ZSCAN1: variants seen among roughly 807,000 people sequenced by gnomAD.
The protein encoded by ZSCAN1 is zinc finger and SCAN domain-containing protein 1.
Under a neutral mutation model 23.8 loss-of-function variants are expected in ZSCAN1, and 23 were observed. That is an observed-to-expected ratio of 0.97 (90% CI 0.70 to 1.37). ZSCAN1 has a LOEUF of 1.37. Among genes scored for constraint, ZSCAN1 ranks in the 40% most tolerant of loss-of-function variants. ZSCAN1 has a pLI of 0.00. For missense variants in ZSCAN1, 575 were observed against 554.0 expected, an observed-to-expected ratio of 1.04 and a Z score of -0.38; for synonymous variants, 236 against 232.3, an observed-to-expected ratio of 1.02 and a Z score of -0.15.
intron 4 of ZSCAN1, among the ~76,000 whole-genome samples, chr19:58,051,831 A>G (rs1055306964): frequency 2.0e-5 from 3 of 152,214 alleles, no homozygotes; most frequent in Non-Finnish European, 4.4e-5. Flanking sequence ...CTCCTCATCC[A>G]GGGCCACACA....
rs778519528 is a variant in ZSCAN1, at chr19:58,045,780, C to T, written c.465+5236C>T. ...AGCTGAAGCAGTGGCTGGACCTGCACCTGCATCAGGAGATCCCCACATCGC... is the reference window on the plus strand; with the variant it reads ...AGCTGAAGCAGTGGCTGGACCTGCATCTGCATCAGGAGATCCCCACATCGC... On this transcript the variant is annotated intron_variant, in intron 4 of 5. Coordinates refer to ENST00000282326, the MANE Select transcript of ZSCAN1 (RefSeq NM_182572.4). This position sits in a 1 kb window ranked among gnomAD's most constrained non-coding sequence, Gnocchi z 4.3. 34 of 1,557,654 alleles carry T rather than the reference C, an allele frequency of 2.2e-5. No homozygotes were observed. The highest frequency in any genetic ancestry group is 2.9e-5 in the Non-Finnish European group (33 of 1,129,332).
chr19:58,046,991 G>A (rs957684989), intron 4 of ZSCAN1, among the ~76,000 whole-genome samples: 2 of 152,238 alleles, frequency 1.3e-5, no homozygotes, highest in East Asian at 1.9e-4. Flanking sequence ...CCACACTGTG[G>A]TGTGGCTGCC....
At chr19:58,046,747 A>G in intron 4 of ZSCAN1, 5 of 773,430 alleles carry the variant, frequency 6.5e-6, no homozygotes, top group Non-Finnish European at 1.2e-5. Context: ...GTGGAGAAGG[A>G]GGTTGCAGAG....
At chr19:58,051,975 G>A (rs1028158472) in intron 4 of ZSCAN1, among the ~76,000 whole-genome samples, 1 of 152,248 alleles carries the variant, frequency 6.6e-6, no homozygotes, top group Non-Finnish European at 1.5e-5. Flanking sequence ...TGCATCAGAG[G>A]TCATAGGTCG....
At chr19:58,036,227 C>T (rs1333362113) in intron 2 of ZSCAN1, among the ~76,000 whole-genome samples, 2 of 152,138 alleles carry the variant, frequency 1.3e-5, no homozygotes, top group Admixed American at 6.5e-5. Context: ...GATCCCACCA[C>T]GTTCAACTGT....
rs1016881693 is a variant in ZSCAN1 at position 58,047,902 on chromosome 19, G to A, written c.466-4588G>A. On this transcript the variant is annotated intron_variant, in intron 4 of 5. Coordinates refer to ENST00000282326, the MANE Select transcript of ZSCAN1 (RefSeq NM_182572.4). This position sits in a 1 kb window ranked among gnomAD's most constrained non-coding sequence, Gnocchi z 4.9. ...GGGCTGGCGAGGGCGTGGGCAGGCA[G>A]TGTCCTGTGGCCACCTCCACCCTCC... Among the ~76,000 whole-genome samples, 1 of 152,240 alleles carries A rather than the reference G, an allele frequency of 6.6e-6. No individual in the cohort carries two copies. Among genetic ancestry groups the A allele is most frequent in the African/African-American group, 2.4e-5 (1 of 41,470 alleles).
In ZSCAN1 at chr19:58,053,957, G is replaced by C. The variant is rs2073876142; in HGVS notation, c.1133G>C (p.Arg378Thr). 2 of 1,610,748 alleles carry C rather than the reference G, an allele frequency of 1.2e-6. No individual in the cohort carries two copies. Among genetic ancestry groups the C allele is most frequent in the African/African-American group, 1.3e-5 (1 of 74,814 alleles). ...CCAGTGGCCCCTCGCAGCCCCAAAAGACCCTTCCAGTGTAGCGTCTGCGGG... is the reference window on the plus strand; with the variant it reads ...CCAGTGGCCCCTCGCAGCCCCAAAACACCCTTCCAGTGTAGCGTCTGCGGG... ...QGPVAPRSPKRPFQCSVCGKA... is the reference protein window; with the variant it reads ...QGPVAPRSPKTPFQCSVCGKA... Residue 378 changes from arginine to threonine, a missense_variant, in exon 6 of 6, where the codon AGA (arginine) becomes ACA (threonine). Transcript: ENST00000282326. The surrounding 1 kb of genome is among the most constrained non-coding windows in gnomAD (Gnocchi z 5.8).
At position 58,049,258 on chromosome 19, in the gene ZSCAN1, T is replaced by C. The variant is rs928369639; in HGVS notation, c.466-3232T>C. On this transcript the variant is annotated intron_variant, in intron 4 of 5. Transcript: ENST00000282326. This position sits in a 1 kb window ranked among gnomAD's most constrained non-coding sequence, Gnocchi z 4.5. ...AAGGCCTTAAGAGCACTAGCAGCGT[T>C]TTCCAAAAGCACAGATACAAATCCC... 1.3e-5 allele frequency: 2 copies of C among 152,474 alleles called. No homozygotes were observed. Among genetic ancestry groups the C allele is most frequent in the Non-Finnish European group, 1.5e-5 (1 of 68,094 alleles). The allele number at this position is 152,474 out of a possible 1,614,324, so 9.4% of individuals were successfully genotyped here.
intron 4 of ZSCAN1, chr19:58,044,982 G>A: frequency 8.9e-7 from 1 of 1,126,490 alleles, no homozygotes; most frequent in Non-Finnish European, 1.3e-6. Context: ...ACAAGAACAA[G>A]AAGCTGGAGG....
rs1048498080 is a variant in ZSCAN1, at chr19:58,044,661, C to A, written c.465+4117C>A. On this transcript the variant is annotated intron_variant, in intron 4 of 5. Transcript: ENST00000282326. ...CTCCCGCCGCCGCCTCGGGTCACCG[C>A]CCCGCGGGGTAGTCCGGGGGATCCT... 6.9e-6 allele frequency: 6 copies of A among 872,530 alleles called. No individual in the cohort carries two copies. In the Admixed American group the frequency reaches 9.8e-5, roughly 14 times the overall value. The allele number at this position is 872,530 out of a possible 1,614,324, so 54.0% of individuals were successfully genotyped here.
intron 3 of ZSCAN1, 130 bp downstream of exon 3, chr19:58,038,336 T>G: frequency 1.7e-6 from 2 of 1,152,712 alleles, no homozygotes; most frequent in Non-Finnish European, 2.4e-6. Flanking sequence ...AAACCTCTCC[T>G]GCCCCGCGGC....
Position 58,045,958 on chromosome 19 carries a change from C to T in ZSCAN1, c.465+5414C>T, listed in dbSNP as rs2073822497. 2.5e-6 allele frequency: 2 copies of T among 803,516 alleles called. No individual in the cohort carries two copies. The highest frequency in any genetic ancestry group is 3.4e-5 in the African/African-American group (2 of 59,328). 49.8% of individuals were successfully genotyped at this position (803,516 alleles called of 1,614,324 possible). A position where few individuals can be genotyped will look rare whatever the true frequency, so the allele number is the denominator to read the frequency against. The stretch of plus-strand genomic sequence containing the variant: ...GGGCAAGCAGGTGGACAAGGCCAAG[C>T]TAGAGGCCACACTGCAGGAGAAGGC... On this transcript the variant is annotated intron_variant, in intron 4 of 5. Transcript: ENST00000282326. This position sits in a 1 kb window ranked among gnomAD's most constrained non-coding sequence, Gnocchi z 4.3.
At chr19:58,048,767 T>A (rs1291880592) in intron 4 of ZSCAN1, among the ~76,000 whole-genome samples, 2 of 152,098 alleles carry the variant, frequency 1.3e-5, no homozygotes, top group Non-Finnish European at 2.9e-5. Flanking sequence ...CTTTTTACCT[T>A]TTTTTGAGAC....
intron 4 of ZSCAN1, chr19:58,046,515 C>A: frequency 1.1e-6 from 1 of 915,252 alleles, no homozygotes; most frequent in Non-Finnish European, 1.8e-6. Context: ...TCAGTGTTGC[C>A]GAGCTCATCA....
At chr19:58,034,478 C>A (rs2073718725) in intron 1 of ZSCAN1, among the ~76,000 whole-genome samples, 1 of 152,008 alleles carries the variant, frequency 6.6e-6, no homozygotes. Flanking sequence ...CCGTTTGAGG[C>A]CGAAGCCCCT....
rs565185646 is a variant in ZSCAN1 at position 58,043,015 on chromosome 19, G to C, written c.465+2471G>C. Among the ~76,000 whole-genome samples the C allele has an allele frequency of 5.2e-5, 8 of 152,400 alleles. No individual in the cohort carries two copies. The South Asian group carries it at 1.7e-3, about 32-fold the overall frequency. On this transcript the variant is annotated intron_variant, in intron 4 of 5. Coordinates refer to ENST00000282326, the MANE Select transcript of ZSCAN1 (RefSeq NM_182572.4). The stretch of plus-strand genomic sequence containing the variant: ...CCGCGTGGAGAGACGGCAGCTCCGG[G>C]ATCGGGGCGCTGGTGAGCGCGGCCC...
intron 5 of ZSCAN1, among the ~76,000 whole-genome samples, chr19:58,052,903 G>A (rs1307844620): frequency 1.3e-5 from 2 of 151,870 alleles, no homozygotes; most frequent in Admixed American, 6.5e-5. Context: ...GTTACCCAGA[G>A]GGCCAGCCAG....
chr19:58,036,704 T>G (rs111346561), intron 2 of ZSCAN1, among the ~76,000 whole-genome samples: 1,930 of 151,880 alleles, frequency 0.013, 47 homozygotes, highest in African/African-American at 0.043. Context: ...TTATTTTTTT[T>G]GGGATGGAAT....
chr19:58,036,112 G>A (rs938027384), intron 2 of ZSCAN1, 101 bp downstream of exon 2: 1 of 152,212 alleles, frequency 6.6e-6, no homozygotes, highest in African/African-American at 2.4e-5. Flanking sequence ...CGTTCCCTGT[G>A]CCTCATGTCA....
Sources: allele counts gnomAD v4.1 joint callset (sites outside exome capture counted in the v4.1 genomes callset), GRCh38; gene constraint gnomAD v4.1.1; non-coding constraint Gnocchi (gnomAD v3.1); transcripts MANE v1.5; gene names NCBI Gene and HGNC (gene_info 2026-07-23, HGNC 2026-07-21).